ZSCAN20: variants seen among roughly 807,000 people sequenced by gnomAD.
ZSCAN20 encodes the protein zinc finger and SCAN domain-containing protein 20.
A neutral mutation model predicts 97.1 loss-of-function variants in ZSCAN20; 39 were observed. That is an observed-to-expected ratio of 0.40 (90% confidence interval 0.31 to 0.52). ZSCAN20 has a LOEUF of 0.52. Ranked by LOEUF, ZSCAN20 falls within the 20% of genes least tolerant of loss-of-function variation. The probability of loss-of-function intolerance (pLI) is 0.49; values close to 1 mark genes in which losing one functional copy is unlikely to be tolerated. For synonymous variants in ZSCAN20, 456 were observed against 467.3 expected, an observed-to-expected ratio of 0.98 and a Z score of 0.31; for missense variants, 1,115 against 1,290.4, an observed-to-expected ratio of 0.86 and a Z score of 2.08.
Position 33,498,040 on chromosome 1 carries a change from G to A in ZSCAN20, c.*2564G>A, listed in dbSNP as rs546961464. ...ATTTCAGTTTCAAATATTGGGCCTA[G>A]GACAGAGCTACTTGATAGTGCTGAA... On this transcript the variant is annotated 3_prime_UTR_variant, in exon 8 of 8. Transcript: ENST00000684572. 3.9e-5 allele frequency among the ~76,000 whole-genome samples: 6 copies of A among 152,288 alleles called. No individual in the cohort carries two copies. The highest frequency in any genetic ancestry group is 1.4e-4 in the African/African-American group (6 of 41,544).
chr1:33,477,522 G>A (rs1334116005), intron 1 of ZSCAN20, among the ~76,000 whole-genome samples: 1 of 151,662 alleles, frequency 6.6e-6, no homozygotes, highest in Non-Finnish European at 1.5e-5. Flanking sequence ...AATCTCCTCT[G>A]GGACACACAT....
chr1:33,473,369 T>C (rs947816480), intron 1 of ZSCAN20, among the ~76,000 whole-genome samples: 64 of 152,212 alleles, frequency 4.2e-4, no homozygotes, highest in African/African-American at 1.5e-3. Context: ...CAGAAGCCTT[T>C]TCAGTTTCCC....
At position 33,494,968 on chromosome 1, in the gene ZSCAN20, A is replaced by G. The variant is rs142427813; in HGVS notation, c.2624A>G (p.Tyr875Cys). 1.6e-4 allele frequency: 265 copies of G among 1,614,188 alleles called. 3 individuals are homozygous for G. In the East Asian group the frequency reaches 5.5e-3, roughly 34 times the overall value. Residue 875 changes from tyrosine (Y) to cysteine (C), a missense_variant, in exon 8 of 8, where the codon TAT becomes TGT. Transcript: ENST00000684572. ...PHSTNSGEKL[Y>C]ECSECGRSFS... Reference sequence around the variant, plus strand: ...AGCACAAACTCAGGGGAGAAACTTTATGAGTGTTCTGAATGTGGAAGAAGC... The same window carrying G: ...AGCACAAACTCAGGGGAGAAACTTTGTGAGTGTTCTGAATGTGGAAGAAGC...
Position 33,491,799 on chromosome 1 carries a change from T to C in ZSCAN20, c.1444+97T>C. 6 of 1,284,386 alleles carry C rather than the reference T, an allele frequency of 4.7e-6. No individual in the cohort carries two copies. The highest frequency in any genetic ancestry group is 2.4e-5 in the Admixed American group (1 of 41,030). The allele number at this position is 1,284,386 out of a possible 1,614,324, so 79.6% of individuals were successfully genotyped here. ...TCAGGGCACAGGCTGCAAGTCTGGA[T>C]TGAAGCCACTAGAGTGAAGAGCTAC... On this transcript the variant is annotated intron_variant, in intron 6 of 7. Transcript: ENST00000684572. The surrounding 1 kb of genome is among the most constrained non-coding windows in gnomAD (Gnocchi z 4.3).
chr1:33,479,704 C>T lies in ZSCAN20; in HGVS notation c.416C>T (p.Ser139Leu), dbSNP rs762738387. Residue 139 changes from serine to leucine, a missense_variant and splice_region_variant, in exon 2 of 8, where the codon TCG becomes TTG. Transcript: ENST00000684572. ...CGAGAGACCAGGACTGCAGGACAGT[C>T]GGTGAGACAAACAGTCTTCTCCTGC... The part of the protein sequence containing the change: ...WHRETRTAGQ[S>L]GLELHTEETR... The T allele has an allele frequency of 4.6e-6, 7 of 1,524,144 alleles. No individual in the cohort carries two copies. Among genetic ancestry groups the T allele is most frequent in the East Asian group, 2.3e-5 (1 of 43,588 alleles). The allele number at this position is 1,524,144 out of a possible 1,614,324, so 94.4% of individuals were successfully genotyped here.
intron 2 of ZSCAN20, among the ~76,000 whole-genome samples, chr1:33,484,794 G>T (rs1254061145): frequency 6.6e-6 from 1 of 151,858 alleles, no homozygotes; most frequent in Non-Finnish European, 1.5e-5. Flanking sequence ...GCTGATTTTT[G>T]TATTTTTAGT....
chr1:33,481,827 C>T (rs1652166616), intron 2 of ZSCAN20, among the ~76,000 whole-genome samples: 1 of 152,126 alleles, frequency 6.6e-6, no homozygotes, highest in South Asian at 2.1e-4. Flanking sequence ...TTGAATCCCC[C>T]TCTCTGTCAG....
intron 3 of ZSCAN20, 71 bp downstream of exon 3, chr1:33,488,722 G>A (rs1652470520): frequency 6.7e-7 from 1 of 1,503,324 alleles, no homozygotes; most frequent in Non-Finnish European, 9.0e-7. Context: ...GAGGAAGGGT[G>A]CATGGGGAAG....
intron 1 of ZSCAN20, among the ~76,000 whole-genome samples, chr1:33,475,630 A>G (rs1330761087): frequency 6.6e-6 from 1 of 152,114 alleles, no homozygotes; most frequent in Non-Finnish European, 1.5e-5. Flanking sequence ...TGGCTGCACT[A>G]TTTAAATCAT....
At chr1:33,490,000 G>C (rs1652534775) in intron 5 of ZSCAN20, among the ~76,000 whole-genome samples, 1 of 152,148 alleles carries the variant, frequency 6.6e-6, no homozygotes, top group Non-Finnish European at 1.5e-5. Flanking sequence ...AAATATCACA[G>C]AGCCCAAAAT....
chr1:33,492,355 C>A (rs1652654027), intron 6 of ZSCAN20: 1 of 152,236 alleles, frequency 6.6e-6, no homozygotes, highest in East Asian at 1.9e-4. Context: ...TGAGACTAGA[C>A]CACCTCCTTT....
rs1176307253 is a variant in ZSCAN20 at position 33,494,586 on chromosome 1, A to G, written c.2242A>G (p.Ser748Gly). 1.2e-6 allele frequency: 2 copies of G among 1,613,708 alleles called. No individual in the cohort carries two copies. The highest frequency in any genetic ancestry group is 3.3e-5 in the Admixed American group (2 of 59,986). ...ATGCCTTGAATGTGGAAAAAACTTT[A>G]GTGACCGCTCTAACCTCAATACCCA... ...YKCLECGKNF[S>G]DRSNLNTHQR... Residue 748 changes from serine to glycine, a missense_variant, in exon 8 of 8, where the codon AGT becomes GGT. By Grantham distance (56) the Ser-to-Gly change is moderately conservative. Coordinates refer to ENST00000684572, the MANE Select transcript of ZSCAN20 (RefSeq NM_001377376.1).
chr1:33,495,180 C>T lies in ZSCAN20; in HGVS notation c.2836C>T (p.Leu946Phe). 1 of 1,613,936 alleles carries T rather than the reference C, an allele frequency of 6.2e-7. No individual in the cohort carries two copies. Among genetic ancestry groups the T allele is most frequent in the Non-Finnish European group, 8.5e-7 (1 of 1,179,928 alleles). Residue 946 changes from leucine to phenylalanine, a missense_variant, in exon 8 of 8, where the codon CTC becomes TTC. Physicochemically the swap from Leu to Phe is conservative, Grantham distance 22 (BLOSUM62 0). Coordinates refer to ENST00000684572, the MANE Select transcript of ZSCAN20 (RefSeq NM_001377376.1). ...GAAGTGCTTCAGTGAGCGCTCCAAG[C>T]TCATCACACACCAGAGAGTGCACAC... ...CGKCFSERSK[L>F]ITHQRVHTGE...
Position 33,493,637 on chromosome 1 carries a change from G to T in ZSCAN20, c.1873+22G>T, listed in dbSNP as rs556293580. On this transcript the variant is annotated intron_variant, in intron 7 of 7. Coordinates refer to ENST00000684572, the MANE Select transcript of ZSCAN20 (RefSeq NM_001377376.1). The surrounding 1 kb of genome is among the most constrained non-coding windows in gnomAD (Gnocchi z 4.3). Reference sequence around the variant, plus strand: ...ATGGGTAAGCCTGGAGTAATTGGATGTTCTCAAAATCTGTGGGCATGTGGA... The same window carrying T: ...ATGGGTAAGCCTGGAGTAATTGGATTTTCTCAAAATCTGTGGGCATGTGGA... 614 of 1,526,056 alleles carry T rather than the reference G, an allele frequency of 4.0e-4. 7 individuals are homozygous for T. The South Asian group carries it at 7.5e-3, about 19-fold the overall frequency. The allele number at this position is 1,526,056 out of a possible 1,614,324, so 94.5% of individuals were successfully genotyped here.
chr1:33,495,026 A>G lies in ZSCAN20; in HGVS notation c.2682A>G (p.Gln894=). The G allele has an allele frequency of 1.2e-6, 2 of 1,613,886 alleles. No homozygotes were observed. Among genetic ancestry groups the G allele is most frequent in the Non-Finnish European group, 1.7e-6 (2 of 1,179,894 alleles). ...FSKSSALISH[Q]RIHTGEKPYE... ...AGAGCTCTGCCCTCATTAGTCACCA[A>G]AGAATCCATACGGGAGAGAAACCAT... Residue 894 remains glutamine, a synonymous_variant, in exon 8 of 8, where the codon CAA becomes CAG. Coordinates refer to ENST00000684572, the MANE Select transcript of ZSCAN20 (RefSeq NM_001377376.1).
At position 33,495,220 on chromosome 1, in the gene ZSCAN20, A is replaced by C. The variant is rs747301330; in HGVS notation, c.2876A>C (p.Tyr959Ser). 3.7e-6 allele frequency: 6 copies of C among 1,613,966 alleles called. No homozygotes were observed. Among genetic ancestry groups the C allele is most frequent in the Non-Finnish European group, 5.1e-6 (6 of 1,179,866 alleles). Residue 959 changes from tyrosine (Y) to serine (S), a missense_variant, in exon 8 of 8, where the codon TAC becomes TCC. By Grantham distance (144) the Tyr-to-Ser change is moderately radical. Coordinates refer to ENST00000684572, the MANE Select transcript of ZSCAN20 (RefSeq NM_001377376.1). The stretch of plus-strand genomic sequence containing the variant: ...AGAGTGCACACAGGAGAGAAGCCCT[A>C]CAAATGCCTTGAGTGTGGAAAATTC... ...HQRVHTGEKPYKCLECGKFFR... is the reference protein window; with the variant it reads ...HQRVHTGEKPSKCLECGKFFR...
chr1:33,489,039 T>C, intron 3 of ZSCAN20, 76 bp from the exon 4 acceptor site: 2 of 1,294,656 alleles, frequency 1.5e-6, no homozygotes, highest in Non-Finnish European at 2.2e-6. Flanking sequence ...GTGTTACTTT[T>C]GGAAAGCCAA....
chr1:33,475,784 C>T (rs1402662693), intron 1 of ZSCAN20, among the ~76,000 whole-genome samples: 3 of 151,864 alleles, frequency 2.0e-5, no homozygotes, highest in Non-Finnish European at 2.9e-5. Flanking sequence ...CTCAGCCTCC[C>T]GAGTAGCTGG....
intron 1 of ZSCAN20, among the ~76,000 whole-genome samples, chr1:33,474,150 G>T (rs914649393): frequency 6.6e-6 from 1 of 152,188 alleles, no homozygotes. Context: ...CTAATTGGTT[G>T]GTTCTCAGCA....
Sources: gnomAD v4.1 joint callset for allele counts (sites outside exome capture counted in the v4.1 genomes callset) on GRCh38, gnomAD v4.1.1 for gene constraint, Gnocchi (gnomAD v3.1) non-coding constraint, MANE v1.5 for transcripts, NCBI Gene and HGNC (gene_info 2026-07-23, HGNC 2026-07-21) for gene names.